SAMMSON: variants seen among roughly 807,000 people sequenced by gnomAD.
SAMMSON encodes long intergenic non-protein coding RNA 1212.
At chr3:70,265,519 T>A (rs887659857) in intron 6 of SAMMSON, among the ~76,000 whole-genome samples, 1 of 149,342 alleles carries the variant, frequency 6.7e-6, no homozygotes, top group Non-Finnish European at 1.5e-5. Flanking sequence ...AACACACAAG[T>A]TCATGAGCGA....
intron 2 of SAMMSON, among the ~76,000 whole-genome samples, chr3:70,402,964 A>C (rs1701152810): frequency 1.3e-5 from 2 of 152,096 alleles, no homozygotes; most frequent in African/African-American, 2.4e-5. Context: ...TGTGTATGAT[A>C]GATATATTTT....
chr3:70,130,517 G>C (rs2067478745), intron 4 of SAMMSON, among the ~76,000 whole-genome samples: 1 of 152,090 alleles, frequency 6.6e-6, no homozygotes, highest in Non-Finnish European at 1.5e-5. Flanking sequence ...CTTGAAACTG[G>C]ATGTAACTTG....
At chr3:70,010,660 A>C (rs186651665) in intron 1 of SAMMSON, among the ~76,000 whole-genome samples, 1 of 150,624 alleles carries the variant, frequency 6.6e-6, no homozygotes, top group Non-Finnish European at 1.5e-5. Flanking sequence ...CGTATGTGCC[A>C]TTGTATTAGT....
intron 9 of SAMMSON, among the ~76,000 whole-genome samples, chr3:70,365,227 G>A (rs957262770): frequency 3.3e-5 from 5 of 151,530 alleles, no homozygotes; most frequent in Admixed American, 2.0e-4. Context: ...TTTCTCCAGG[G>A]AGTCCTGGTT....
chr3:70,006,832 G>T (rs2066929249), intron 1 of SAMMSON, among the ~76,000 whole-genome samples: 1 of 127,404 alleles, frequency 7.8e-6, no homozygotes, highest in Admixed American at 1.0e-4. Flanking sequence ...GGTGTGTGAT[G>T]TTCCCTTTCC....
chr3:70,399,567 T>C (rs1656205540), intron 2 of SAMMSON, among the ~76,000 whole-genome samples: 1 of 151,978 alleles, frequency 6.6e-6, no homozygotes, highest in African/African-American at 2.4e-5. Context: ...AATGATTACA[T>C]AAAAAACACT....
intron 3 of SAMMSON, among the ~76,000 whole-genome samples, chr3:70,054,525 G>A (rs1331978068): frequency 2.0e-5 from 3 of 152,022 alleles, no homozygotes; most frequent in African/African-American, 7.2e-5. Context: ...CTGACCATTT[G>A]TCTTTAGGGT....
chr3:70,154,125 A>G (rs1161035741), intron 4 of SAMMSON, among the ~76,000 whole-genome samples: 4 of 151,716 alleles, frequency 2.6e-5, no homozygotes, highest in African/African-American at 9.7e-5. Context: ...GTTAGGGGCT[A>G]TTTAAAGCAA....
chr3:70,018,316 G>T (rs1431931387), intron 3 of SAMMSON, among the ~76,000 whole-genome samples: 2 of 152,122 alleles, frequency 1.3e-5, no homozygotes, highest in Non-Finnish European at 1.5e-5. Context: ...TCTTGGGAGG[G>T]TGTATGTGCT....
intron 2 of SAMMSON, among the ~76,000 whole-genome samples, chr3:70,399,381 T>A (rs995367399): frequency 1.3e-5 from 2 of 152,176 alleles, no homozygotes; most frequent in African/African-American, 4.8e-5. Context: ...GGTTATCATG[T>A]CAATAAACTG....
intron 3 of SAMMSON, among the ~76,000 whole-genome samples, chr3:70,023,102 C>G (rs1461076669): frequency 6.6e-6 from 1 of 152,126 alleles, no homozygotes; most frequent in Non-Finnish European, 1.5e-5. Context: ...ATGTTGGCTT[C>G]TTAAAATTCA....
chr3:70,375,538 G>C lies in SAMMSON; in HGVS notation n.914-14036G>C, dbSNP rs546722631. ...GGTGTGGGAGTTGGGAGGGGGTAAG[G>C]GCCAGGGCAGTTCTCCAGGTTCATG... On this transcript the variant is annotated intron_variant and non_coding_transcript_variant, in intron 9 of 9. Transcript: ENST00000642114. Among the ~76,000 whole-genome samples the C allele has an allele frequency of 1.2e-3, 188 of 151,940 alleles. 1 individual carries two copies. The highest frequency in any genetic ancestry group is 4.4e-3 in the African/African-American group (182 of 41,446).
chr3:70,146,568 A>T (rs747681784), intron 4 of SAMMSON, among the ~76,000 whole-genome samples: 6 of 152,062 alleles, frequency 3.9e-5, no homozygotes, highest in Non-Finnish European at 7.4e-5. Context: ...AATCCACATG[A>T]ATATATCAAT....
chr3:70,154,568 G>C (rs1260224992), intron 4 of SAMMSON, among the ~76,000 whole-genome samples: 4 of 152,052 alleles, frequency 2.6e-5, no homozygotes, highest in Non-Finnish European at 5.9e-5. Flanking sequence ...GATTCCAGTT[G>C]TACAGTCAAA....
At chr3:70,202,119 C>T (rs558379766) in intron 4 of SAMMSON, among the ~76,000 whole-genome samples, 2 of 152,094 alleles carry the variant, frequency 1.3e-5, no homozygotes, top group Non-Finnish European at 2.9e-5. Context: ...TGGTTAGTGA[C>T]TAGTGGTCTA....
intron 4 of SAMMSON, among the ~76,000 whole-genome samples, chr3:70,177,854 A>C (rs1244461633): frequency 1.3e-5 from 2 of 152,204 alleles, no homozygotes; most frequent in Admixed American, 6.5e-5. Context: ...GGCAACTTTT[A>C]GTGTAAGGAG....
At chr3:70,427,555 C>T (rs1177194909) in intron 2 of SAMMSON, among the ~76,000 whole-genome samples, 2 of 151,796 alleles carry the variant, frequency 1.3e-5, no homozygotes, top group African/African-American at 2.4e-5. Context: ...CTGGCTGACA[C>T]GGTGAAACCC....
intron 4 of SAMMSON, among the ~76,000 whole-genome samples, chr3:70,129,233 T>C (rs2067471234): frequency 1.3e-5 from 2 of 152,210 alleles, no homozygotes; most frequent in Admixed American, 6.5e-5. Flanking sequence ...TGATGCAATT[T>C]TCTGTTAAAT....
chr3:70,120,363 A>G (rs576283723), intron 4 of SAMMSON: 4 of 152,174 alleles, frequency 2.6e-5, no homozygotes, highest in African/African-American at 9.7e-5. Flanking sequence ...GAGAACCCCA[A>G]ATTAGCGAGA....
Sources: gnomAD v4.1 joint callset for allele counts (sites outside exome capture counted in the v4.1 genomes callset) on GRCh38, gnomAD v4.1.1 for gene constraint, MANE v1.5 for transcripts, NCBI Gene and HGNC (gene_info 2026-07-23, HGNC 2026-07-21) for gene names.